ANKRD26: variants seen among roughly 807,000 people sequenced by gnomAD.
The protein encoded by ANKRD26 is ankyrin repeat domain 26.
A neutral mutation model predicts 208.7 loss-of-function variants in ANKRD26; 141 were observed. The observed-to-expected ratio is 0.68, with a 90% confidence interval of 0.59 to 0.78. ANKRD26 has a LOEUF of 0.78. Among genes scored for constraint, ANKRD26 ranks in the 30% least tolerant of loss-of-function variants. ANKRD26 has a pLI of 0.00. For synonymous variants in ANKRD26, 636 were observed against 660.4 expected (o/e 0.96, Z 0.57); for missense variants, 1,889 against 1,938.7 (o/e 0.97, Z 0.48).
chr10:27,001,843 A>G (rs1291753323), downstream of ANKRD26, among the ~76,000 whole-genome samples: 1 of 152,192 alleles, frequency 6.6e-6, no homozygotes, highest in Non-Finnish European at 1.5e-5. Context: ...CCTTGTTAGA[A>G]AAGAAATGAT....
intron 4 of ANKRD26, among the ~76,000 whole-genome samples, chr10:27,088,638 A>C (rs985591280): frequency 6.6e-6 from 1 of 152,158 alleles, no homozygotes; most frequent in African/African-American, 2.4e-5. Context: ...GGTCAACCAC[A>C]AGTTGGTGGC....
chr10:27,060,496 A>T lies in ANKRD26; in HGVS notation c.1491+16T>A. 1 of 1,560,902 alleles carries T rather than the reference A, an allele frequency of 6.4e-7. No individual in the cohort carries two copies. Among genetic ancestry groups the T allele is most frequent in the South Asian group, 1.1e-5 (1 of 89,162 alleles). On this transcript the variant is annotated intron_variant, in intron 14 of 33. Coordinates refer to ENST00000376087, the MANE Select transcript of ANKRD26 (RefSeq NM_014915.3). ...ATGCACTTAATAATTCAAGATAAAAATATAAAACTTATTACCTTCAAGTGA... is the reference window on the plus strand; with the variant it reads ...ATGCACTTAATAATTCAAGATAAAATTATAAAACTTATTACCTTCAAGTGA...
downstream of ANKRD26, among the ~76,000 whole-genome samples, chr10:27,003,551 A>C (rs185596613): frequency 6.6e-6 from 1 of 152,350 alleles, no homozygotes; most frequent in Admixed American, 6.5e-5. Flanking sequence ...TACAAAGTAT[A>C]TAGTAGCTTA....
At chr10:27,048,093 T>C (rs2054521777) in intron 17 of ANKRD26, among the ~76,000 whole-genome samples, 1 of 152,134 alleles carries the variant, frequency 6.6e-6, no homozygotes, top group African/African-American at 2.4e-5. Flanking sequence ...CACTATCATA[T>C]ACCTATATAA....
At chr10:26,953,870 T>C in the ANKRD26 span, among the ~76,000 whole-genome samples, 1 of 152,230 alleles carries the variant, frequency 6.6e-6, no homozygotes, top group African/African-American at 2.4e-5. Flanking sequence ...AGCAGCTATC[T>C]TGCTGGGACG....
intron 15 of ANKRD26, 82 bp downstream of exon 15, chr10:27,060,263 T>C (rs1358229278): frequency 4.6e-6 from 6 of 1,294,084 alleles, no homozygotes; most frequent in Non-Finnish European, 6.6e-6. Context: ...GAATTAGGAA[T>C]AAGAAAACTG....
intron 15 of ANKRD26, 152 bp from the exon 16 acceptor site, chr10:27,053,542 C>T (rs968427498): frequency 1.9e-5 from 10 of 518,526 alleles, no homozygotes; most frequent in Middle Eastern, 5.2e-4. Flanking sequence ...CTTACTCTGT[C>T]GCCCTAGCTG....
the ANKRD26 span, among the ~76,000 whole-genome samples, chr10:26,950,821 C>A: frequency 1.7e-4 from 26 of 152,022 alleles, no homozygotes; most frequent in Non-Finnish European, 3.1e-4. Flanking sequence ...TAACACAACA[C>A]GTGTCTGTGC....
rs2054556291 is a variant in ANKRD26 at position 27,048,986 on chromosome 10, TG to T, written c.1636-8del. Reference sequence around the variant, plus strand: ...TTTTCCTTTCTTCTTCAACCTTTAATGAAAGTTTGATACTAAGGAATTGCTA... The same window carrying T: ...TTTTCCTTTCTTCTTCAACCTTTAATAAAGTTTGATACTAAGGAATTGCTA... On this transcript the variant is annotated splice_polypyrimidine_tract_variant and splice_region_variant and intron_variant, in intron 16 of 33. Coordinates refer to ENST00000376087, the MANE Select transcript of ANKRD26 (RefSeq NM_014915.3). 6.3e-7 allele frequency: 1 copy of T among 1,587,206 alleles called. No homozygotes were observed. Among genetic ancestry groups the T allele is most frequent in the Non-Finnish European group, 8.6e-7 (1 of 1,162,386 alleles).
intron 33 of ANKRD26, 130 bp downstream of exon 33, chr10:27,006,787 G>T: frequency 1.4e-6 from 1 of 728,720 alleles, no homozygotes; most frequent in Non-Finnish European, 2.4e-6. Context: ...CATTAGATGT[G>T]TGTAAGAAAG....
At chr10:27,061,081 G>C (rs747397470) in intron 13 of ANKRD26, 63 bp downstream of exon 13, 36 of 1,193,394 alleles carry the variant, frequency 3.0e-5, no homozygotes, top group Non-Finnish European at 4.4e-5. Flanking sequence ...GTTCTGAATT[G>C]ATCAGCTTGG....
At chr10:27,084,368 T>C (rs766991143) in intron 5 of ANKRD26, among the ~76,000 whole-genome samples, 1 of 152,054 alleles carries the variant, frequency 6.6e-6, no homozygotes, top group Non-Finnish European at 1.5e-5. Flanking sequence ...AAAACACAAA[T>C]GAAATAGAAC....
intron 27 of ANKRD26, among the ~76,000 whole-genome samples, chr10:27,026,462 A>C (rs906078809): frequency 6.6e-6 from 1 of 152,226 alleles, no homozygotes; most frequent in Non-Finnish European, 1.5e-5. Flanking sequence ...GGATGCCAAT[A>C]AAGTAGGACT....
At position 27,100,455 on chromosome 10, in the gene ANKRD26, T is replaced by A; in HGVS notation, c.-129A>T. 2.2e-6 allele frequency: 3 copies of A among 1,378,054 alleles called. No homozygotes were observed. The highest frequency in any genetic ancestry group is 2.9e-6 in the Non-Finnish European group (3 of 1,025,924). 85.4% of individuals were successfully genotyped at this position (1,378,054 alleles called of 1,614,324 possible). ...AAAGGAAACTCCGCGGTTTCCAATC[T>A]CTCCCTCCGGGTTACCAAGCAAGCG... On this transcript the variant is annotated 5_prime_UTR_variant, in exon 1 of 34. Coordinates refer to ENST00000376087, the MANE Select transcript of ANKRD26 (RefSeq NM_014915.3).
At position 27,005,422 on chromosome 10, in the gene ANKRD26, A is replaced by T. The variant is rs1010564125; in HGVS notation, c.*168T>A. On this transcript the variant is annotated 3_prime_UTR_variant, in exon 34 of 34. Transcript: ENST00000376087. ...TTCCTGGTTTTCATTGGCAAAATCC[A>T]CTTAAAAGTTAAAGAAGCCAAGTAA... 1 of 1,353,400 alleles carries T rather than the reference A, an allele frequency of 7.4e-7. No homozygotes were observed. Among genetic ancestry groups the T allele is most frequent in the Non-Finnish European group, 9.5e-7 (1 of 1,055,068 alleles). 83.8% of individuals were successfully genotyped at this position (1,353,400 alleles called of 1,614,324 possible). A position where few individuals can be genotyped will look rare whatever the true frequency, so the allele number is the denominator to read the frequency against.
At chr10:27,010,404 T>C (rs910714539) in intron 32 of ANKRD26, among the ~76,000 whole-genome samples, 1 of 152,248 alleles carries the variant, frequency 6.6e-6, no homozygotes, top group Non-Finnish European at 1.5e-5. Flanking sequence ...TTCATCATCT[T>C]ATAAAATGTT....
chr10:27,068,285 T>C (rs1209092860), intron 9 of ANKRD26, among the ~76,000 whole-genome samples: 1 of 152,230 alleles, frequency 6.6e-6, no homozygotes, highest in Non-Finnish European at 1.5e-5. Context: ...TCCTCATACA[T>C]TAATTCACCT....
Position 27,100,087 on chromosome 10 carries a change from G to A in ANKRD26, c.240C>T (p.Asn80=), listed in dbSNP as rs761768458. ...KNGLNDRDKM[N]RTALHLACAN... ...TCCGGGCTTGCGACGCCTATTACCTGTTCATCTTGTCTCTATCGTTCAAGC... is the reference window on the plus strand; with the variant it reads ...TCCGGGCTTGCGACGCCTATTACCTATTCATCTTGTCTCTATCGTTCAAGC... Residue 80 remains asparagine, a splice_region_variant and synonymous_variant, in exon 1 of 34, where the codon AAC becomes AAT. Transcript: ENST00000376087. 22 of 1,613,814 alleles carry A rather than the reference G, an allele frequency of 1.4e-5. No individual in the cohort carries two copies. The highest frequency in any genetic ancestry group is 1.9e-5 in the Non-Finnish European group (22 of 1,179,956).
Position 27,080,143 on chromosome 10 carries a change from C to T in ANKRD26, c.741-982G>A, listed in dbSNP as rs367620295. On this transcript the variant is annotated intron_variant, in intron 6 of 33. Coordinates refer to ENST00000376087, the MANE Select transcript of ANKRD26 (RefSeq NM_014915.3). ...TAGCACTCCAGCCTGGGCAACAGTGCAAGACTTTGTCTCAAAAAAAATAAA... is the reference window on the plus strand; with the variant it reads ...TAGCACTCCAGCCTGGGCAACAGTGTAAGACTTTGTCTCAAAAAAAATAAA... 1.2e-4 allele frequency: 23 copies of T among 188,632 alleles called. No individual in the cohort carries two copies. In the East Asian group the frequency reaches 2.0e-3, roughly 17 times the overall value. 11.7% of individuals were successfully genotyped at this position (188,632 alleles called of 1,614,324 possible).
Sources: allele counts gnomAD v4.1 joint callset (sites outside exome capture counted in the v4.1 genomes callset), GRCh38; gene constraint gnomAD v4.1.1; transcripts MANE v1.5; gene names NCBI Gene and HGNC (gene_info 2026-07-23, HGNC 2026-07-21).